Variants in AMY1A observed in about 807,000 individuals in gnomAD.
AMY1A encodes the protein amylase alpha 1A.
In AMY1A, 3 loss-of-function variants were observed where a neutral mutation model predicts 13.5. That is an observed-to-expected ratio of 0.22 (90% CI 0.10 to 0.57). AMY1A has a LOEUF of 0.57. Among genes scored for constraint, AMY1A ranks in the 20% least tolerant of loss-of-function variants. AMY1A has a pLI of 0.92. For missense variants in AMY1A, 9 were observed against 101.2 expected (o/e 0.09, Z 3.91); for synonymous variants, 3 against 29.4 (o/e 0.10, Z 2.90).
intron 8 of AMY1A, among the ~76,000 whole-genome samples, chr1:103,661,988 A>G (rs369000885): frequency 0.27 from 20,804 of 78,056 alleles, 2,207 homozygotes; most frequent in African/African-American, 0.34. Context: ...GAAATTATTT[A>G]TATTGATTAA....
chr1:103,662,137 C>G (rs1653422782), intron 8 of AMY1A, among the ~76,000 whole-genome samples: 1 of 111,070 alleles, frequency 9.0e-6, no homozygotes, highest in Admixed American at 9.8e-5. Context: ...TGGCTCACAC[C>G]TATAATCCCA....
chr1:103,662,320 G>A (rs1350684972), intron 8 of AMY1A, among the ~76,000 whole-genome samples: 351 of 127,026 alleles, frequency 2.8e-3, no homozygotes, highest in South Asian at 0.011. Flanking sequence ...TGGGAGGTTC[G>A]CTTGAGCCTC....
At chr1:103,662,266 G>A (rs1468577906) in intron 8 of AMY1A, among the ~76,000 whole-genome samples, 9 of 136,914 alleles carry the variant, frequency 6.6e-5, no homozygotes, top group Non-Finnish European at 1.5e-4. Flanking sequence ...TTAGCTGGGT[G>A]CGGTGGTGCA....
chr1:103,663,848 CA>C lies in AMY1A; in HGVS notation c.1347-476del, dbSNP rs1428098463. ...TTCCTTCTTTTGTGGATGAAAATACCAAAAAAATCTTTTGTGAAAAAGCTTT... is the reference window on the plus strand; with the variant it reads ...TTCCTTCTTTTGTGGATGAAAATACCAAAAAATCTTTTGTGAAAAAGCTTT... On this transcript the variant is annotated intron_variant, in intron 10 of 10. Coordinates refer to ENST00000370083, the MANE Select transcript of AMY1A (RefSeq NM_004038.4). Among the ~76,000 whole-genome samples the C allele has an allele frequency of 7.0e-5, 3 of 42,886 alleles. 1 individual carries two copies. The highest frequency in any genetic ancestry group is 1.2e-4 in the Non-Finnish European group (3 of 24,608). 28.1% of individuals were successfully genotyped at this position (42,886 alleles called of 152,430 possible). A position where few individuals can be genotyped will look rare whatever the true frequency, so the allele number is the denominator to read the frequency against.
At chr1:103,662,352 C>T (rs1653430275) in intron 8 of AMY1A, among the ~76,000 whole-genome samples, 1 of 117,874 alleles carries the variant, frequency 8.5e-6, no homozygotes, top group African/African-American at 2.8e-5. Context: ...CTGCAGTGAG[C>T]TACGATCATG....
chr1:103,662,268 G>A (rs1385841682), intron 8 of AMY1A, among the ~76,000 whole-genome samples: 83 of 136,662 alleles, frequency 6.1e-4, no homozygotes, highest in African/African-American at 2.0e-3. Flanking sequence ...AGCTGGGTGC[G>A]GTGGTGCACA....
intron 8 of AMY1A, among the ~76,000 whole-genome samples, chr1:103,662,267 C>A (rs1158049492): frequency 4.4e-5 from 6 of 136,766 alleles, no homozygotes; most frequent in African/African-American, 1.3e-4. Flanking sequence ...TAGCTGGGTG[C>A]GGTGGTGCAC....
In AMY1A at chr1:103,663,979, A is replaced by G. The variant is rs2101109782; in HGVS notation, c.1347-352A>G. Among the ~76,000 whole-genome samples, 2 of 41,210 alleles carry G rather than the reference A, an allele frequency of 4.9e-5. 1 individual carries two copies. The highest frequency in any genetic ancestry group is 0.022 in the Middle Eastern group (2 of 90). The allele number at this position is 41,210 out of a possible 152,430, so 27.0% of individuals were successfully genotyped here. A position where few individuals can be genotyped will look rare whatever the true frequency, so the allele number is the denominator to read the frequency against. On this transcript the variant is annotated intron_variant, in intron 10 of 10. Coordinates refer to ENST00000370083, the MANE Select transcript of AMY1A (RefSeq NM_004038.4). Reference sequence around the variant, plus strand: ...AATAAAAGAAGGTTAAAAAAATAATACCCTTTAAATTTTTAAAGTAATTGG... The same window carrying G: ...AATAAAAGAAGGTTAAAAAAATAATGCCCTTTAAATTTTTAAAGTAATTGG...
Position 103,660,430 on chromosome 1 carries a change from C to A in AMY1A, c.949C>A (p.Gln317Lys), listed in dbSNP as rs765872217. ...ALVFVDNHDN[Q>K]RGHGAGGASI... Reference sequence around the variant, plus strand: ...TGTCTTTGTGGATAACCATGACAATCAACGAGGACATGGCGCTGGAGGAGC... The same window carrying A: ...TGTCTTTGTGGATAACCATGACAATAAACGAGGACATGGCGCTGGAGGAGC... The change falls in exon 7 of 11, where the codon CAA (glutamine) becomes AAA (lysine). Residue 317 changes from glutamine to lysine, a missense_variant. By Grantham distance (53) the Gln-to-Lys change is moderately conservative (BLOSUM62 1). Transcript: ENST00000370083. 6.4e-6 allele frequency: 9 copies of A among 1,395,894 alleles called. 3 individuals are homozygous for A. Among genetic ancestry groups the A allele is most frequent in the South Asian group, 2.7e-5 (2 of 74,894 alleles). The allele number at this position is 1,395,894 out of a possible 1,614,324, so 86.5% of individuals were successfully genotyped here. A position where few individuals can be genotyped will look rare whatever the true frequency, so the allele number is the denominator to read the frequency against.
At chr1:103,662,120 G>C (rs1257460228) in intron 8 of AMY1A, among the ~76,000 whole-genome samples, 3 of 99,898 alleles carry the variant, frequency 3.0e-5, no homozygotes. Context: ...TTGCAGGCCA[G>C]GTGCAGTGGC....
At chr1:103,662,271 G>T (rs1653428105) in intron 8 of AMY1A, among the ~76,000 whole-genome samples, 1 of 136,414 alleles carries the variant, frequency 7.3e-6, no homozygotes, top group Non-Finnish European at 1.6e-5. Context: ...TGGGTGCGGT[G>T]GTGCACACCA....
intron 8 of AMY1A, among the ~76,000 whole-genome samples, chr1:103,662,251 A>G: frequency 7.3e-6 from 1 of 137,926 alleles, no homozygotes. Context: ...AAAAAAAAAA[A>G]AAAATTAGCT....
intron 8 of AMY1A, among the ~76,000 whole-genome samples, chr1:103,662,303 G>A (rs1653428970): frequency 7.6e-6 from 1 of 132,136 alleles, no homozygotes; most frequent in African/African-American, 2.6e-5. Context: ...TACTTGGGAG[G>A]CTGAGATGGG....
intron 8 of AMY1A, among the ~76,000 whole-genome samples, chr1:103,662,253 A>C (rs1474725850): frequency 4.4e-5 from 6 of 137,874 alleles, no homozygotes; most frequent in Non-Finnish European, 8.0e-5. Flanking sequence ...AAAAAAAAAA[A>C]AATTAGCTGG....
Sources: allele counts gnomAD v4.1 joint callset (sites outside exome capture counted in the v4.1 genomes callset), GRCh38; gene constraint gnomAD v4.1.1; transcripts MANE v1.5; gene names NCBI Gene and HGNC (gene_info 2026-07-23, HGNC 2026-07-21).